PRLR: variants seen among roughly 807,000 people sequenced by gnomAD.
The protein encoded by PRLR is prolactin receptor, also known as hPRL receptor.
In PRLR, 13 loss-of-function variants were observed where a neutral mutation model predicts 40.2. The ratio of observed to expected loss-of-function variants is 0.32; its 90% CI spans 0.21 to 0.51. The LOEUF (loss-of-function observed/expected upper bound fraction) is 0.51, where lower values mean the gene tolerates loss of function less well. PRLR is among the 20% of genes least tolerant of loss of function. The probability of loss-of-function intolerance (pLI) is 0.97; values close to 1 mark genes in which losing one functional copy is unlikely to be tolerated. For missense variants in PRLR, 656 were observed against 747.3 expected, an observed-to-expected ratio of 0.88 and a Z score of 1.42; for synonymous variants, 269 against 278.7, an observed-to-expected ratio of 0.97 and a Z score of 0.35.
intron 1 of PRLR, among the ~76,000 whole-genome samples, chr5:35,224,579 C>T (rs1776504363): frequency 6.6e-6 from 1 of 152,232 alleles, no homozygotes; most frequent in African/African-American, 2.4e-5. Context: ...CTCCTCCCTG[C>T]AGGCACATGT....
chr5:35,172,491 C>G (rs1402223313), intron 1 of PRLR, among the ~76,000 whole-genome samples: 1 of 152,170 alleles, frequency 6.6e-6, no homozygotes, highest in African/African-American at 2.4e-5. Flanking sequence ...CAGAACTCTC[C>G]CTTCTGGGGT....
At chr5:35,118,997 T>C (rs564191906) in intron 1 of PRLR, among the ~76,000 whole-genome samples, 4 of 152,250 alleles carry the variant, frequency 2.6e-5, no homozygotes, top group South Asian at 4.2e-4. Context: ...GGTTTTGCCA[T>C]GTTGGCCAGG....
At chr5:35,050,249 C>T (rs1297615310) in intron 8 of PRLR, among the ~76,000 whole-genome samples, 3 of 152,174 alleles carry the variant, frequency 2.0e-5, no homozygotes, top group Non-Finnish European at 2.9e-5. Context: ...TGAGGAATTA[C>T]GTGATGTCCA....
At chr5:35,082,980 G>A (rs955090099) in intron 5 of PRLR, among the ~76,000 whole-genome samples, 1 of 151,016 alleles carries the variant, frequency 6.6e-6, no homozygotes, top group Admixed American at 6.6e-5. Context: ...TTTGTGGGTC[G>A]CATTTATTAA....
At chr5:35,180,584 C>T (rs1775269103) in intron 1 of PRLR, among the ~76,000 whole-genome samples, 1 of 151,934 alleles carries the variant, frequency 6.6e-6, no homozygotes, top group Non-Finnish European at 1.5e-5. Flanking sequence ...TTTTCTTTTC[C>T]CCCCTTTTTT....
rs1769062177 is a variant in PRLR, at chr5:35,061,936, A to T, written c.*3153T>A. 1 of 152,156 alleles carries T rather than the reference A, an allele frequency of 6.6e-6. No individual in the cohort carries two copies. The highest frequency in any genetic ancestry group is 1.5e-5 in the Non-Finnish European group (1 of 68,034). 9.4% of individuals were successfully genotyped at this position (152,156 alleles called of 1,614,324 possible). A position where few individuals can be genotyped will look rare whatever the true frequency, so the allele number is the denominator to read the frequency against. ...TGAGCATGGCTTGATTCAGTAAAAGATCATTTTTCTAAAGATTAGTGCCTC... is the reference window on the plus strand; with the variant it reads ...TGAGCATGGCTTGATTCAGTAAAAGTTCATTTTTCTAAAGATTAGTGCCTC... On this transcript the variant is annotated 3_prime_UTR_variant, in exon 10 of 10. Coordinates refer to ENST00000618457, the MANE Select transcript of PRLR (RefSeq NM_000949.7).
chr5:35,223,825 C>T (rs1325342584), intron 1 of PRLR, among the ~76,000 whole-genome samples: 2 of 152,218 alleles, frequency 1.3e-5, no homozygotes, highest in Non-Finnish European at 1.5e-5. Flanking sequence ...CTATTTTCCC[C>T]GTGGAGTCTA....
chr5:35,225,768 G>A (rs751810064), intron 1 of PRLR, among the ~76,000 whole-genome samples: 20 of 152,146 alleles, frequency 1.3e-4, no homozygotes, highest in Non-Finnish European at 1.9e-4. Context: ...TGCAACCTCC[G>A]CCTCCCGGGT....
Position 35,196,555 on chromosome 5 carries a change from T to C in PRLR, c.-106+33713A>G, listed in dbSNP as rs1331845582. Among the ~76,000 whole-genome samples, 4 of 152,106 alleles carry C rather than the reference T, an allele frequency of 2.6e-5. No homozygotes were observed. In the East Asian group the frequency reaches 7.7e-4, roughly 29 times the overall value. On this transcript the variant is annotated intron_variant, in intron 1 of 9. Coordinates refer to ENST00000618457, the MANE Select transcript of PRLR (RefSeq NM_000949.7). ...TAGGGCAGGGGACAGGTTTGGACCT[T>C]CAATGAGCACAAGCAGGACAAGAAA...
intron 1 of PRLR, among the ~76,000 whole-genome samples, chr5:35,192,761 G>A (rs1459615944): frequency 1.3e-5 from 2 of 152,212 alleles, no homozygotes; most frequent in Non-Finnish European, 2.9e-5. Context: ...GTGAGACACA[G>A]ATGCTGTATC....
chr5:35,088,464 T>C (rs891921071), intron 3 of PRLR, among the ~76,000 whole-genome samples: 1 of 152,162 alleles, frequency 6.6e-6, no homozygotes, highest in Non-Finnish European at 1.5e-5. Context: ...GGGTGATCAT[T>C]GATTTCTTGA....
intron 7 of PRLR, 69 bp from the exon 8 acceptor site, chr5:35,068,947 T>C (rs1315244910): frequency 1.7e-6 from 2 of 1,176,446 alleles, no homozygotes; most frequent in East Asian, 2.5e-5. Context: ...ACCTAATGAA[T>C]GAAACTCTTA....
chr5:35,200,381 A>G (rs1219552026), intron 1 of PRLR, among the ~76,000 whole-genome samples: 1 of 152,124 alleles, frequency 6.6e-6, no homozygotes, highest in East Asian at 1.9e-4. Context: ...GTTGCTAGTC[A>G]CTCTCAGAAT....
intron 1 of PRLR, among the ~76,000 whole-genome samples, chr5:35,149,542 GTGT>G (rs1276107836): frequency 6.6e-6 from 1 of 152,188 alleles, no homozygotes; most frequent in South Asian, 2.1e-4. Context: ...TTTCTGATAA[GTGT>G]TGTTGCCATT....
At chr5:35,136,358 G>A (rs559109140) in intron 1 of PRLR, among the ~76,000 whole-genome samples, 1 of 152,326 alleles carries the variant, frequency 6.6e-6, no homozygotes, top group South Asian at 2.1e-4. Context: ...CCTCAGCACT[G>A]TGGACATTTT....
intron 1 of PRLR, among the ~76,000 whole-genome samples, chr5:35,147,765 G>A (rs1213354824): frequency 6.6e-6 from 1 of 152,108 alleles, no homozygotes; most frequent in Middle Eastern, 3.2e-3. Context: ...ATATATTCTA[G>A]TGCTCAAGAA....
At chr5:35,206,102 A>ATGAG (rs1405119131) in intron 1 of PRLR, among the ~76,000 whole-genome samples, 1 of 152,190 alleles carries the variant, frequency 6.6e-6, no homozygotes, top group African/African-American at 2.4e-5. Flanking sequence ...GGTAGCCATT[A>ATGAG]TGAGATAAAA....
At chr5:35,099,214 T>C (rs1771709906) in intron 2 of PRLR, among the ~76,000 whole-genome samples, 1 of 152,102 alleles carries the variant, frequency 6.6e-6, no homozygotes, top group Admixed American at 6.6e-5. Context: ...TGAAAGTGGG[T>C]AGAAATAACA....
intron 1 of PRLR, among the ~76,000 whole-genome samples, chr5:35,129,625 A>G (rs950848793): frequency 5.9e-5 from 9 of 152,172 alleles, no homozygotes; most frequent in Non-Finnish European, 8.8e-5. Context: ...TCTATCATTC[A>G]GAAACATCAC....
Sources: allele counts gnomAD v4.1 joint callset (sites outside exome capture counted in the v4.1 genomes callset), GRCh38; gene constraint gnomAD v4.1.1; transcripts MANE v1.5; gene names NCBI Gene and HGNC (gene_info 2026-07-23, HGNC 2026-07-21).